COL4A2: variants seen among roughly 807,000 people sequenced by gnomAD.
COL4A2 encodes collagen alpha-2(IV) chain.
Under a neutral mutation model 200.2 loss-of-function variants are expected in COL4A2, and 99 were observed. The ratio of observed to expected loss-of-function variants is 0.49; its 90% CI spans 0.42 to 0.58. COL4A2 has a LOEUF of 0.58. Ranked by LOEUF, COL4A2 falls within the 20% of genes least tolerant of loss-of-function variation. The probability of loss-of-function intolerance (pLI) is 0.00; values close to 1 mark genes in which losing one functional copy is unlikely to be tolerated. For synonymous variants in COL4A2, 897 were observed against 900.6 expected, an observed-to-expected ratio of 1.00 and a Z score of 0.07; for missense variants, 1,950 against 2,314.1, an observed-to-expected ratio of 0.84 and a Z score of 3.23.
At chr13:110,334,827 G>A (rs1163502609) in intron 3 of COL4A2, among the ~76,000 whole-genome samples, 5 of 152,206 alleles carry the variant, frequency 3.3e-5, no homozygotes, top group Admixed American at 2.6e-4. Flanking sequence ...AGTATAATCC[G>A]AGTTATGTAG....
chr13:110,439,887 G>A lies in COL4A2; in HGVS notation c.957+54G>A, dbSNP rs947307272. 41 of 1,585,142 alleles carry A rather than the reference G, an allele frequency of 2.6e-5. No homozygotes were observed. In the Middle Eastern group the frequency reaches 5.0e-4, roughly 19 times the overall value. ...CTCTGGGCCCACGACATCCCACAGA[G>A]GTTAAATAAATAGGCCTTGGCATCT... On this transcript the variant is annotated intron_variant, in intron 16 of 47. Coordinates refer to ENST00000360467, the MANE Select transcript of COL4A2 (RefSeq NM_001846.4).
chr13:110,380,644 C>T (rs1419736231), intron 4 of COL4A2, among the ~76,000 whole-genome samples: 2 of 151,974 alleles, frequency 1.3e-5, no homozygotes, highest in Admixed American at 1.3e-4. Context: ...GTCACACCCA[C>T]AAGCTCTATC....
intron 30 of COL4A2, 89 bp from the exon 31 acceptor site, chr13:110,480,131 T>C: frequency 7.3e-7 from 1 of 1,370,114 alleles, no homozygotes; most frequent in South Asian, 1.5e-5. Context: ...GAGCTTTTCT[T>C]ACTGAACACT....
At chr13:110,437,590 A>G (rs549376843) in intron 13 of COL4A2, among the ~76,000 whole-genome samples, 12 of 152,326 alleles carry the variant, frequency 7.9e-5, no homozygotes, top group African/African-American at 7.2e-5. Flanking sequence ...TCAAGTTTCA[A>G]TATGTTCCAT....
chr13:110,409,872 A>G (rs1035662443), intron 4 of COL4A2, among the ~76,000 whole-genome samples: 2 of 152,178 alleles, frequency 1.3e-5, no homozygotes, highest in Non-Finnish European at 2.9e-5. Context: ...ATGTCCAGAT[A>G]GCACCAGCCC....
At chr13:110,493,592 C>T (rs930575474) in intron 39 of COL4A2, among the ~76,000 whole-genome samples, 6 of 152,166 alleles carry the variant, frequency 3.9e-5, no homozygotes, top group African/African-American at 9.7e-5. Context: ...GTGGGATGCA[C>T]CTGCGCCCCT....
At chr13:110,377,731 A>G (rs118029870) in intron 4 of COL4A2, among the ~76,000 whole-genome samples, 1 of 152,382 alleles carries the variant, frequency 6.6e-6, no homozygotes, top group East Asian at 1.9e-4. Flanking sequence ...TGGTGAAACA[A>G]TACTAAAAAT....
At chr13:110,337,682 G>T (rs1025344262) in intron 3 of COL4A2, among the ~76,000 whole-genome samples, 1 of 152,170 alleles carries the variant, frequency 6.6e-6, no homozygotes, top group African/African-American at 2.4e-5. Context: ...ACATCTGACC[G>T]CAAGCAGCCC....
intron 3 of COL4A2, among the ~76,000 whole-genome samples, chr13:110,325,714 ACTTTG>A (rs966941032): frequency 1.3e-5 from 2 of 151,728 alleles, no homozygotes; most frequent in African/African-American, 4.8e-5. Flanking sequence ...CGGAAGCTAC[ACTTTG>A]CTTTGTGCAT....
At chr13:110,511,182 C>T (rs545227700) in intron 47 of COL4A2, among the ~76,000 whole-genome samples, 12 of 150,846 alleles carry the variant, frequency 8.0e-5, no homozygotes, top group South Asian at 2.1e-4. Flanking sequence ...GCCTGCCGTG[C>T]GCTTCCATAA....
chr13:110,442,861 C>T (rs1426610288), intron 16 of COL4A2, among the ~76,000 whole-genome samples: 2 of 152,122 alleles, frequency 1.3e-5, no homozygotes, highest in African/African-American at 4.8e-5. Flanking sequence ...TGAAATAACT[C>T]CACAGAGTTA....
intron 4 of COL4A2, among the ~76,000 whole-genome samples, chr13:110,392,734 C>T (rs1328194052): frequency 1.3e-5 from 2 of 152,162 alleles, no homozygotes; most frequent in Non-Finnish European, 2.9e-5. Context: ...TAATTGTTGG[C>T]CATTTCCTGC....
At chr13:110,445,521 T>C (rs1430596367) in intron 16 of COL4A2, among the ~76,000 whole-genome samples, 2 of 152,194 alleles carry the variant, frequency 1.3e-5, no homozygotes, top group Admixed American at 6.5e-5. Flanking sequence ...GATGACCCAG[T>C]GTCTTCAACA....
chr13:110,308,952 T>C (rs1884894718), intron 3 of COL4A2, among the ~76,000 whole-genome samples: 1 of 152,224 alleles, frequency 6.6e-6, no homozygotes, highest in Non-Finnish European at 1.5e-5. Context: ...GCTTTCGAGA[T>C]GTCCGCTGTC....
Position 110,508,426 on chromosome 13 carries a change from C to G in COL4A2, c.4881+205C>G. On this transcript the variant is annotated intron_variant, in intron 47 of 47. Transcript: ENST00000360467. This position sits in a 1 kb window ranked among gnomAD's most constrained non-coding sequence, Gnocchi z 6.1. ...ATGCTGGGCACAGGGCTTCCTCCAC[C>G]CAGAAAGGGCTCATTAATTTGCCAC... is the stretch of plus-strand genomic sequence containing the variant. 1.3e-6 allele frequency: 1 copy of G among 781,612 alleles called. No homozygotes were observed. The highest frequency in any genetic ancestry group is 1.9e-5 in the South Asian group (1 of 54,022). The allele number at this position is 781,612 out of a possible 1,614,324, so 48.4% of individuals were successfully genotyped here.
At chr13:110,389,979 A>G (rs1309123225) in intron 4 of COL4A2, among the ~76,000 whole-genome samples, 1 of 152,242 alleles carries the variant, frequency 6.6e-6, no homozygotes, top group Non-Finnish European at 1.5e-5. Context: ...TTGACCAAGT[A>G]TAGTACACAC....
Position 110,462,143 on chromosome 13 carries a change from A to G in COL4A2, c.1626A>G (p.Gly542=). The change falls in exon 23 of 48, where the codon GGA becomes GGG. Residue 542 remains glycine, a synonymous_variant. Coordinates refer to ENST00000360467, the MANE Select transcript of COL4A2 (RefSeq NM_001846.4). The part of the protein sequence containing the change: ...KGVPGNIGAP[G]PKGAKGDSRT... Reference sequence around the variant, plus strand: ...TGCCTGGCAACATTGGTGCTCCCGGACCCAAAGGAGCAAAAGGAGATTCCA... The same window carrying G: ...TGCCTGGCAACATTGGTGCTCCCGGGCCCAAAGGAGCAAAAGGAGATTCCA... 6.2e-7 allele frequency: 1 copy of G among 1,614,250 alleles called. No individual in the cohort carries two copies. Among genetic ancestry groups the G allele is most frequent in the Non-Finnish European group, 8.5e-7 (1 of 1,180,056 alleles).
intron 26 of COL4A2, 139 bp downstream of exon 26, chr13:110,466,201 GT>G (rs1280548909): frequency 6.5e-6 from 6 of 918,454 alleles, no homozygotes; most frequent in Non-Finnish European, 8.1e-6. Context: ...GCACAACATA[GT>G]GGCCTGGTGA....
At chr13:110,313,065 G>A (rs1375023186) in intron 3 of COL4A2, among the ~76,000 whole-genome samples, 1 of 152,152 alleles carries the variant, frequency 6.6e-6, no homozygotes, top group Non-Finnish European at 1.5e-5. Flanking sequence ...TATCCAGCCT[G>A]CACCAGGATA....
Sources: allele counts gnomAD v4.1 joint callset (sites outside exome capture counted in the v4.1 genomes callset), GRCh38; gene constraint gnomAD v4.1.1; non-coding constraint Gnocchi (gnomAD v3.1); transcripts MANE v1.5; gene names NCBI Gene and HGNC (gene_info 2026-07-23, HGNC 2026-07-21).